The following TCF20 variants were observed in gnomAD, a reference collection of about 807,000 sequenced individuals.
The protein encoded by TCF20 is transcription factor 20.
TCF20 carries 3 observed loss-of-function variants against 148.6 expected under a neutral mutation model. That is an observed-to-expected ratio of 0.02 (90% CI 0.01 to 0.05). TCF20 has a LOEUF of 0.05. Among genes scored for constraint, TCF20 ranks in the 10% least tolerant of loss-of-function variants. The pLI is 1.00. For missense variants in TCF20, 2,350 were observed against 2,429.3 expected, an observed-to-expected ratio of 0.97 and a Z score of 0.69; for synonymous variants, 1,049 against 909.5, an observed-to-expected ratio of 1.15 and a Z score of -2.76.
chr22:42,233,575 T>TA (rs1358442779), intron 1 of TCF20, among the ~76,000 whole-genome samples: 4 of 152,228 alleles, frequency 2.6e-5, no homozygotes, highest in Non-Finnish European at 5.9e-5. Flanking sequence ...CAAGCCATGA[T>TA]AAGCATTACC....
chr22:42,172,463 T>G (rs1024998715), intron 3 of TCF20, among the ~76,000 whole-genome samples: 8 of 152,228 alleles, frequency 5.3e-5, no homozygotes. Context: ...CACTTCTGCA[T>G]AGTGAAGTCA....
rs1927660888 is a variant in TCF20, at chr22:42,317,851, T to A, written c.-37+25628A>T. On this transcript the variant is annotated intron_variant, in intron 1 of 1. Coordinates refer to the TCF20 transcript ENST00000515426. The surrounding 1 kb of genome is among the most constrained non-coding windows in gnomAD (Gnocchi z 4.2). ...AGGTAGCCAGCTTCAAAGGCACCCA[T>A]GAGCCAGTAAGAGCCAGATCCCACT... Among the ~76,000 whole-genome samples, 1 of 152,136 alleles carries A rather than the reference T, an allele frequency of 6.6e-6. No homozygotes were observed. Among genetic ancestry groups the A allele is most frequent in the South Asian group, 2.1e-4 (1 of 4,830 alleles).
intron 2 of TCF20, among the ~76,000 whole-genome samples, chr22:42,190,569 C>T (rs1343185900): frequency 6.6e-6 from 1 of 152,178 alleles, no homozygotes. Flanking sequence ...TCCCTTGAAA[C>T]TACAAAGGCC....
intron 1 of TCF20, among the ~76,000 whole-genome samples, chr22:42,243,745 A>G (rs1292512058): frequency 6.6e-6 from 1 of 152,220 alleles, no homozygotes; most frequent in Non-Finnish European, 1.5e-5. Context: ...GAGGGAGGGT[A>G]AACAGGAACT....
In TCF20 at chr22:42,309,986, C is replaced by A. The variant is rs866280048; in HGVS notation, c.-37+33493G>T. Among the ~76,000 whole-genome samples, 18 of 152,378 alleles carry A rather than the reference C, an allele frequency of 1.2e-4. No individual in the cohort carries two copies. In the Middle Eastern group the frequency reaches 0.014, roughly 115 times the overall value. On this transcript the variant is annotated intron_variant, in intron 1 of 1. Coordinates refer to the TCF20 transcript ENST00000515426. The stretch of plus-strand genomic sequence containing the variant: ...CCAGCCCTGTCTCTCCAGTGCCCTG[C>A]ACAGGGCCTGGTGCCCAGGCACTGC...
At chr22:42,273,528 C>CA (rs1443030439), upstream of TCF20, among the ~76,000 whole-genome samples, 1 of 152,030 alleles carries the variant, frequency 6.6e-6, no homozygotes, top group Non-Finnish European at 1.5e-5. Flanking sequence ...TAACTGAGCG[C>CA]CCCTTCCTCT....
At chr22:42,189,892 C>G (rs1027178472) in intron 2 of TCF20, among the ~76,000 whole-genome samples, 1 of 151,950 alleles carries the variant, frequency 6.6e-6, no homozygotes. Context: ...AAAACAAAGA[C>G]AAGAAATAAG....
At chr22:42,171,388 A>T (rs1936123034) in intron 3 of TCF20, among the ~76,000 whole-genome samples, 1 of 152,206 alleles carries the variant, frequency 6.6e-6, no homozygotes, top group South Asian at 2.1e-4. Context: ...CAATAGTAAT[A>T]AGCAATGAAC....
chr22:42,209,962 C>T lies in TCF20; in HGVS notation c.5344G>A (p.Ala1782Thr), dbSNP rs745665261. The T allele has an allele frequency of 1.1e-5, 17 of 1,613,694 alleles. No homozygotes were observed. The highest frequency in any genetic ancestry group is 1.3e-5 in the African/African-American group (1 of 74,922). Residue 1782 changes from alanine to threonine, a missense_variant, in exon 2 of 6, where the codon GCA becomes ACA. This residue lies in a region of TCF20 where 374 missense variants were observed against 398.3 expected (regional missense o/e 0.94). Coordinates refer to ENST00000677622, the MANE Select transcript of TCF20 (RefSeq NM_001378418.1). The part of the protein sequence containing the change: ...QQQKEQRSLA[A>T]HPRFKRRHRS... ...TGGCGCCGCTTAAACCTGGGGTGTG[C>T]GGCCAGGCTTCTCTGCTCCTTCTGC...
At chr22:42,203,833 CA>C (rs758171926) in intron 2 of TCF20, among the ~76,000 whole-genome samples, 11 of 151,916 alleles carry the variant, frequency 7.2e-5, no homozygotes, top group Non-Finnish European at 1.5e-4. Flanking sequence ...AGAGGAAGAA[CA>C]ATCAGGTAGG....
chr22:42,214,503 G>C lies in TCF20; in HGVS notation c.803C>G (p.Ala268Gly). Residue 268 changes from alanine to glycine, a missense_variant, in exon 2 of 6, where the codon GCT becomes GGT. Physicochemically the swap from Ala to Gly is moderately conservative, Grantham distance 60. Coordinates refer to ENST00000677622, the MANE Select transcript of TCF20 (RefSeq NM_001378418.1). The part of the protein sequence containing the change: ...QSYDGSYNVN[A>G]GSQYEGHNVG... ...ATTGTGTCCTTCATACTGAGATCCA[G>C]CATTCACATTGTAACTGCCATCATA... 1 of 1,614,202 alleles carries C rather than the reference G, an allele frequency of 6.2e-7. No homozygotes were observed. The highest frequency in any genetic ancestry group is 8.5e-7 in the Non-Finnish European group (1 of 1,180,048).
chr22:42,329,619 T>C (rs962684499), intron 1 of TCF20, among the ~76,000 whole-genome samples: 2 of 152,108 alleles, frequency 1.3e-5, no homozygotes, highest in Admixed American at 1.3e-4. Context: ...AGGATGACCA[T>C]AGTAGACACA....
intron 2 of TCF20, among the ~76,000 whole-genome samples, chr22:42,202,738 A>T (rs980220951): frequency 3.9e-5 from 6 of 152,210 alleles, no homozygotes; most frequent in Non-Finnish European, 5.9e-5. Context: ...GGATGAAGCA[A>T]GCCGTATCTT....
upstream of TCF20, among the ~76,000 whole-genome samples, chr22:42,286,898 A>C (rs574455162): frequency 6.6e-6 from 1 of 152,272 alleles, no homozygotes; most frequent in South Asian, 2.1e-4. Context: ...ACGTGTGCAC[A>C]ATTATTCAAT....
chr22:42,279,336 C>T lies in TCF20; in HGVS notation c.-37+4491G>A, dbSNP rs181058104. Among the ~76,000 whole-genome samples the T allele has an allele frequency of 2.7e-3, 412 of 152,228 alleles. 4 individuals carry two copies. The highest frequency in any genetic ancestry group is 3.6e-3 in the Non-Finnish European group (246 of 67,998). The stretch of plus-strand genomic sequence containing the variant: ...CCTGGCCAACATGGTGAAACCCTAT[C>T]TCTGGTGGCAGGTGCCTGTAATCCC... On this transcript the variant is annotated intron_variant, in intron 1 of 5. Coordinates refer to the TCF20 transcript ENST00000359486. The surrounding 1 kb of genome is among the most constrained non-coding windows in gnomAD (Gnocchi z 4.3).
chr22:42,200,570 G>A (rs1381988585), intron 2 of TCF20, among the ~76,000 whole-genome samples: 1 of 151,550 alleles, frequency 6.6e-6, no homozygotes, highest in Non-Finnish European at 1.5e-5. Flanking sequence ...TGAAACTGGG[G>A]GGTGGAGGTT....
chr22:42,185,340 AC>A (rs952123335), intron 2 of TCF20, among the ~76,000 whole-genome samples: 13 of 151,968 alleles, frequency 8.6e-5, no homozygotes, highest in African/African-American at 2.9e-4. Flanking sequence ...TTGTTCTTGC[AC>A]CCCCCAAGGA....
intron 1 of TCF20, among the ~76,000 whole-genome samples, chr22:42,226,926 C>T (rs1017440588): frequency 3.3e-5 from 5 of 152,134 alleles, no homozygotes; most frequent in African/African-American, 1.2e-4. Context: ...GACGTTAAGT[C>T]TCCACATATT....
chr22:42,168,808 G>C, intron 4 of TCF20, 72 bp from the exon 5 acceptor site: 1 of 1,487,648 alleles, frequency 6.7e-7, no homozygotes, highest in Middle Eastern at 1.8e-4. Flanking sequence ...AGGGCAAAGG[G>C]AGGACAGGAG....
Sources: allele counts gnomAD v4.1 joint callset (sites outside exome capture counted in the v4.1 genomes callset), GRCh38; gene constraint gnomAD v4.1.1; regional missense constraint gnomAD v4.1.1; non-coding constraint Gnocchi (gnomAD v3.1); transcripts MANE v1.5; gene names NCBI Gene and HGNC (gene_info 2026-07-23, HGNC 2026-07-21).